Variants in DSCAM observed in about 807,000 individuals in gnomAD.
DSCAM encodes the protein cell adhesion molecule DSCAM.
In DSCAM, 47 loss-of-function variants were observed where a neutral mutation model predicts 217.7. The observed-to-expected ratio is 0.22, with a 90% CI of 0.17 to 0.28. The LOEUF is 0.28. DSCAM is among the 10% of genes least tolerant of loss of function. The probability of loss-of-function intolerance (pLI) is 1.00; values close to 1 mark genes in which losing one functional copy is unlikely to be tolerated. For missense variants in DSCAM, 2,080 were observed against 2,618.3 expected (o/e 0.79, Z 4.49); for synonymous variants, 1,056 against 1,015.3 (o/e 1.04, Z -0.76).
intron 11 of DSCAM, among the ~76,000 whole-genome samples, chr21:40,218,003 A>G (rs2091258606): frequency 6.6e-6 from 1 of 152,134 alleles, no homozygotes; most frequent in African/African-American, 2.4e-5. Context: ...CTGAAGTTTA[A>G]TTAGCTTCCA....
At position 40,588,296 on chromosome 21, in the gene DSCAM, A is replaced by G. The variant is rs114605344; in HGVS notation, c.508+104514T>C. 4.9e-3 allele frequency among the ~76,000 whole-genome samples: 746 copies of G among 152,328 alleles called. 7 individuals are homozygous for G. Among genetic ancestry groups the G allele is most frequent in the African/African-American group, 0.017 (695 of 41,558 alleles). On this transcript the variant is annotated intron_variant, in intron 3 of 32. Coordinates refer to ENST00000400454, the MANE Select transcript of DSCAM (RefSeq NM_001389.5). ...TTAAAAGGTAATGGCAAACATCACA[A>G]TTACTTTTGCACCAACCTAATATAT...
intron 11 of DSCAM, among the ~76,000 whole-genome samples, chr21:40,190,105 T>C (rs1461459136): frequency 1.2e-4 from 19 of 152,194 alleles, no homozygotes; most frequent in Non-Finnish European, 2.9e-5. Context: ...CCATAACTTA[T>C]AGCAGAGAAT....
At chr21:40,298,498 A>G (rs2073980442) in intron 9 of DSCAM, among the ~76,000 whole-genome samples, 3 of 152,358 alleles carry the variant, frequency 2.0e-5, no homozygotes, top group Middle Eastern at 3.4e-3. Context: ...TGTAGATGGT[A>G]TTCGGAGACA....
At chr21:40,703,005 CAATT>C (rs1340777124) in intron 2 of DSCAM, among the ~76,000 whole-genome samples, 1 of 152,088 alleles carries the variant, frequency 6.6e-6, no homozygotes, top group Non-Finnish European at 1.5e-5. Context: ...TCTAAATAGC[CAATT>C]ATTTTTTAAA....
intron 11 of DSCAM, among the ~76,000 whole-genome samples, chr21:40,193,355 CG>C (rs34853819): frequency 0.38 from 57,376 of 151,896 alleles, 11,016 homozygotes; most frequent in South Asian, 0.44. Context: ...TTTTCTCATA[CG>C]GGAAAGAGGC....
Position 40,474,557 on chromosome 21 carries a change from C to A in DSCAM, c.509-105312G>T, listed in dbSNP as rs372927029. On this transcript the variant is annotated intron_variant, in intron 3 of 32. Transcript: ENST00000400454. ...AGCAGCAGCCGCGGGAGCTGCCGCCCTCCCCTTCCCCCCTGAGCTGGAACA... is the reference window on the plus strand; with the variant it reads ...AGCAGCAGCCGCGGGAGCTGCCGCCATCCCCTTCCCCCCTGAGCTGGAACA... 3.7e-4 allele frequency among the ~76,000 whole-genome samples: 57 copies of A among 152,292 alleles called. No individual in the cohort carries two copies. The South Asian group carries it at 0.011, about 30-fold the overall frequency.
chr21:40,351,502 C>G (rs1384602842), intron 5 of DSCAM, among the ~76,000 whole-genome samples: 2 of 152,150 alleles, frequency 1.3e-5, no homozygotes, highest in African/African-American at 4.8e-5. Flanking sequence ...AGCTTATTTT[C>G]AGGGGCAAGG....
At chr21:40,100,459 G>C (rs991177266) in intron 20 of DSCAM, among the ~76,000 whole-genome samples, 1 of 152,092 alleles carries the variant, frequency 6.6e-6, no homozygotes, top group Non-Finnish European at 1.5e-5. Context: ...TTGGATACCA[G>C]ATTTTCCAAC....
At chr21:40,203,561 T>C (rs555887278) in intron 11 of DSCAM, among the ~76,000 whole-genome samples, 4 of 152,206 alleles carry the variant, frequency 2.6e-5, no homozygotes, top group Admixed American at 6.5e-5. Flanking sequence ...AACTTTGAGG[T>C]TTTTTGGCTC....
At chr21:40,706,796 G>T (rs972895497) in intron 2 of DSCAM, among the ~76,000 whole-genome samples, 2 of 152,184 alleles carry the variant, frequency 1.3e-5, no homozygotes, top group Non-Finnish European at 2.9e-5. Context: ...ACCATTATGT[G>T]TTCACAATAA....
intron 3 of DSCAM, among the ~76,000 whole-genome samples, chr21:40,560,048 C>T (rs1022303548): frequency 2.0e-5 from 3 of 152,140 alleles, no homozygotes; most frequent in Non-Finnish European, 4.4e-5. Context: ...CCGCCTTGGC[C>T]TCCCAAAGTG....
At chr21:40,806,943 C>A (rs946739919) in intron 1 of DSCAM, among the ~76,000 whole-genome samples, 2 of 151,968 alleles carry the variant, frequency 1.3e-5, no homozygotes, top group African/African-American at 4.8e-5. Context: ...GGGAACATCA[C>A]ACACCGGGGC....
chr21:40,093,410 C>A (rs938986519), intron 21 of DSCAM, among the ~76,000 whole-genome samples: 1 of 152,178 alleles, frequency 6.6e-6, no homozygotes, highest in Admixed American at 6.5e-5. Flanking sequence ...GAAAGTAGAA[C>A]ATCCTTGGGA....
Position 40,152,548 on chromosome 21 carries a change from C to G in DSCAM, c.3019-7817G>C, listed in dbSNP as rs556996016. Among the ~76,000 whole-genome samples, 87 of 152,112 alleles carry G rather than the reference C, an allele frequency of 5.7e-4. 3 individuals carry two copies. The South Asian group carries it at 7.3e-3, about 13-fold the overall frequency. ...TTCTCCTGTAGTCCTCCTCAACAGC[C>G]TCCTTTCATCCTCCCAGATGCCCTT... On this transcript the variant is annotated intron_variant, in intron 16 of 32. Coordinates refer to ENST00000400454, the MANE Select transcript of DSCAM (RefSeq NM_001389.5).
intron 3 of DSCAM, among the ~76,000 whole-genome samples, chr21:40,646,425 A>C (rs2089947924): frequency 8.0e-6 from 1 of 124,444 alleles, no homozygotes; most frequent in Admixed American, 8.7e-5. Flanking sequence ...AAAAAAAAAA[A>C]AAAGGGGGGC....
intron 3 of DSCAM, among the ~76,000 whole-genome samples, chr21:40,551,254 A>G (rs2076627318): frequency 6.6e-6 from 1 of 152,170 alleles, no homozygotes; most frequent in Non-Finnish European, 1.5e-5. Context: ...TCAGTCCAGA[A>G]AGGCAGGACA....
chr21:40,371,670 T>G (rs62223803), intron 3 of DSCAM, among the ~76,000 whole-genome samples: 4,703 of 152,310 alleles, frequency 0.031, 95 homozygotes, highest in African/African-American at 0.056. Context: ...TTTACCCACT[T>G]ACGTTAAATA....
chr21:40,050,380 A>G (rs1052105927), intron 30 of DSCAM, among the ~76,000 whole-genome samples: 1 of 152,238 alleles, frequency 6.6e-6, no homozygotes. Context: ...GCAGCAAAAA[A>G]GTGGCTCTTA....
At chr21:40,771,456 G>A (rs2091444338) in intron 1 of DSCAM, among the ~76,000 whole-genome samples, 1 of 152,178 alleles carries the variant, frequency 6.6e-6, no homozygotes, top group Admixed American at 6.5e-5. Flanking sequence ...TTGAAAATGT[G>A]TTCTTGTGCA....
Sources: allele counts gnomAD v4.1 joint callset (sites outside exome capture counted in the v4.1 genomes callset), GRCh38; gene constraint gnomAD v4.1.1; transcripts MANE v1.5; gene names NCBI Gene and HGNC (gene_info 2026-07-23, HGNC 2026-07-21).